Variants in ANKS1B observed in about 807,000 individuals in gnomAD.
ANKS1B encodes the protein ankyrin repeat and sterile alpha motif domain containing 1B.
A neutral mutation model predicts 148.3 loss-of-function variants in ANKS1B; 36 were observed. The ratio of observed to expected loss-of-function variants is 0.24; its 90% CI spans 0.19 to 0.32. The LOEUF (loss-of-function observed/expected upper bound fraction) is 0.32, where lower values mean the gene tolerates loss of function less well. ANKS1B is among the 10% of genes least tolerant of loss of function. The pLI is 1.00. For missense variants in ANKS1B, 1,157 were observed against 1,542.6 expected, an observed-to-expected ratio of 0.75 and a Z score of 4.19; for synonymous variants, 542 against 560.8, an observed-to-expected ratio of 0.97 and a Z score of 0.47.
chr12:99,583,505 C>T (rs1229644718), intron 9 of ANKS1B, among the ~76,000 whole-genome samples: 7 of 152,126 alleles, frequency 4.6e-5, no homozygotes, highest in African/African-American at 1.7e-4. Flanking sequence ...ATATTTCCAA[C>T]AAATGACTAA....
intron 14 of ANKS1B, among the ~76,000 whole-genome samples, chr12:99,174,477 C>T (rs1162801026): frequency 6.6e-6 from 1 of 152,182 alleles, no homozygotes; most frequent in African/African-American, 2.4e-5. Flanking sequence ...GCTTTTTATG[C>T]TCCCCTGGCC....
At chr12:99,134,653 A>T (rs1202969261) in intron 15 of ANKS1B, among the ~76,000 whole-genome samples, 3,356 of 37,974 alleles carry the variant, frequency 0.088, 71 homozygotes, top group East Asian at 0.26. Context: ...TCTCACACAC[A>T]CACACACACA....
At chr12:98,826,906 G>A (rs1340508570) in intron 19 of ANKS1B, among the ~76,000 whole-genome samples, 3 of 152,114 alleles carry the variant, frequency 2.0e-5, no homozygotes, top group Admixed American at 6.5e-5. Context: ...GGTCTAGAGA[G>A]ATATGACAGG....
chr12:99,096,168 G>A (rs2056041157), intron 15 of ANKS1B, among the ~76,000 whole-genome samples: 2 of 152,132 alleles, frequency 1.3e-5, no homozygotes, highest in African/African-American at 4.8e-5. Context: ...GGTATGTTAG[G>A]TTGACCTTAG....
chr12:99,515,008 TAA>T (rs36077584), intron 9 of ANKS1B, among the ~76,000 whole-genome samples: 12 of 144,364 alleles, frequency 8.3e-5, no homozygotes, highest in African/African-American at 2.8e-4. Flanking sequence ...CTCTATCATT[TAA>T]AAAAAAAAAA....
At chr12:99,367,030 G>A (rs1006435323) in intron 12 of ANKS1B, among the ~76,000 whole-genome samples, 3 of 152,030 alleles carry the variant, frequency 2.0e-5, no homozygotes, top group East Asian at 3.9e-4. Flanking sequence ...TGCACTGCAG[G>A]GCATTCGGCA....
At chr12:99,965,638 C>T (rs2095475897) in intron 1 of ANKS1B, among the ~76,000 whole-genome samples, 1 of 152,106 alleles carries the variant, frequency 6.6e-6, no homozygotes, top group Admixed American at 6.6e-5. Context: ...AGGTGCACAA[C>T]CTGGGCCAGG....
intron 1 of ANKS1B, among the ~76,000 whole-genome samples, chr12:99,829,568 G>A (rs1051113203): frequency 6.6e-6 from 1 of 152,006 alleles, no homozygotes; most frequent in African/African-American, 2.4e-5. Flanking sequence ...GGAGAATGGT[G>A]TGAACCTGGG....
At chr12:99,226,967 T>C (rs1042276130) in intron 14 of ANKS1B, among the ~76,000 whole-genome samples, 2 of 152,184 alleles carry the variant, frequency 1.3e-5, no homozygotes, top group African/African-American at 2.4e-5. Context: ...GCAGACATCA[T>C]GATGGGGATG....
intron 4 of ANKS1B, among the ~76,000 whole-genome samples, chr12:99,782,463 G>T (rs1289295346): frequency 1.3e-5 from 2 of 152,116 alleles, no homozygotes; most frequent in Admixed American, 6.5e-5. Flanking sequence ...GGAAGCTGAG[G>T]CAGGAGAATC....
intron 1 of ANKS1B, among the ~76,000 whole-genome samples, chr12:99,916,190 G>A (rs1001759489): frequency 2.0e-5 from 3 of 152,140 alleles, no homozygotes; most frequent in Admixed American, 2.0e-4. Flanking sequence ...ATCAAGGGGA[G>A]GCTAAGTCCT....
At chr12:98,900,307 G>T (rs1044331757) in intron 17 of ANKS1B, among the ~76,000 whole-genome samples, 3 of 152,164 alleles carry the variant, frequency 2.0e-5, no homozygotes, top group African/African-American at 7.2e-5. Context: ...TAAAGTAAAA[G>T]ATCTTTCTTA....
At chr12:98,825,904 G>A (rs553891732) in intron 19 of ANKS1B, among the ~76,000 whole-genome samples, 1 of 152,298 alleles carries the variant, frequency 6.6e-6, no homozygotes, top group East Asian at 1.9e-4. Flanking sequence ...CACATTAATA[G>A]TGTGTAGGAC....
intron 9 of ANKS1B, among the ~76,000 whole-genome samples, chr12:99,544,437 A>G (rs2097154718): frequency 6.6e-6 from 1 of 152,118 alleles, no homozygotes; most frequent in African/African-American, 2.4e-5. Flanking sequence ...AAGTCACTGA[A>G]ACTGCGAGAT....
chr12:99,305,452 C>G (rs568192198), intron 12 of ANKS1B, among the ~76,000 whole-genome samples: 2 of 152,042 alleles, frequency 1.3e-5, no homozygotes, highest in African/African-American at 2.4e-5. Context: ...TATTGTTTCC[C>G]TAGCATAATG....
chr12:98,996,955 C>T (rs2099930050), intron 17 of ANKS1B, among the ~76,000 whole-genome samples: 1 of 151,326 alleles, frequency 6.6e-6, no homozygotes, highest in South Asian at 2.1e-4. Flanking sequence ...GTTTACCTCT[C>T]ACACTACTTT....
intron 10 of ANKS1B, among the ~76,000 whole-genome samples, chr12:99,459,336 T>G (rs937631668): frequency 6.6e-6 from 1 of 152,094 alleles, no homozygotes; most frequent in Non-Finnish European, 1.5e-5. Context: ...GCATTCCCCC[T>G]GAGAACTGGA....
At chr12:99,044,912 C>T (rs767297709) in intron 17 of ANKS1B, among the ~76,000 whole-genome samples, 4 of 151,858 alleles carry the variant, frequency 2.6e-5, no homozygotes, top group South Asian at 2.1e-4. Flanking sequence ...GTCAACATAC[C>T]GAGGGGCGGA....
chr12:99,390,254 A>T (rs945488856), intron 12 of ANKS1B, among the ~76,000 whole-genome samples: 9 of 152,180 alleles, frequency 5.9e-5, no homozygotes, highest in African/African-American at 2.2e-4. Flanking sequence ...TTTAAAGAAG[A>T]ACTTGATATA....
Sources: gnomAD v4.1 joint callset for allele counts (sites outside exome capture counted in the v4.1 genomes callset) on GRCh38, gnomAD v4.1.1 for gene constraint, MANE v1.5 for transcripts, NCBI Gene and HGNC (gene_info 2026-07-23, HGNC 2026-07-21) for gene names.